HNRNPC: variants seen among roughly 807,000 people sequenced by gnomAD.
HNRNPC encodes heterogeneous nuclear ribonucleoproteins C1/C2.
Under a neutral mutation model 33.2 loss-of-function variants are expected in HNRNPC, and 3 were observed. The observed-to-expected ratio is 0.09, with a 90% CI of 0.04 to 0.23. The LOEUF is 0.23. Among genes scored for constraint, HNRNPC ranks in the 10% least tolerant of loss-of-function variants. The pLI is 1.00. For missense variants in HNRNPC, 143 were observed against 366.7 expected (o/e 0.39, Z 4.98); for synonymous variants, 121 against 126.7 (o/e 0.96, Z 0.30).
intron 2 of HNRNPC, among the ~76,000 whole-genome samples, chr14:21,241,133 G>A (rs535328118): frequency 1.3e-4 from 20 of 151,786 alleles, no homozygotes; most frequent in South Asian, 6.2e-4. Context: ...GGTGGCAGGC[G>A]TCTGTAATCC....
At chr14:21,265,520 T>A (rs1458422683) in intron 1 of HNRNPC, 1 of 152,176 alleles carries the variant, frequency 6.6e-6, no homozygotes, top group African/African-American at 2.4e-5. Flanking sequence ...TCAAGAATAT[T>A]CCTTGAGGCC....
chr14:21,221,511 ACTGT>A (rs1217155054), intron 5 of HNRNPC, among the ~76,000 whole-genome samples: 4 of 152,220 alleles, frequency 2.6e-5, no homozygotes, highest in South Asian at 2.1e-4. Flanking sequence ...TCTATAATTT[ACTGT>A]CTATTACAAA....
At chr14:21,237,412 T>C (rs546367425) in intron 2 of HNRNPC, among the ~76,000 whole-genome samples, 1 of 152,244 alleles carries the variant, frequency 6.6e-6, no homozygotes, top group East Asian at 1.9e-4. Context: ...TATTAACTTG[T>C]AGTTTCCCAG....
intron 5 of HNRNPC, among the ~76,000 whole-genome samples, chr14:21,214,718 A>C (rs1238857596): frequency 6.6e-6 from 1 of 152,218 alleles, no homozygotes; most frequent in Non-Finnish European, 1.5e-5. Flanking sequence ...TTTGACATAA[A>C]GCTTTTGGTC....
chr14:21,266,327 C>A (rs1363959721), intron 1 of HNRNPC, among the ~76,000 whole-genome samples: 1 of 151,960 alleles, frequency 6.6e-6, no homozygotes, highest in Non-Finnish European at 1.5e-5. Flanking sequence ...TCTCAAACTC[C>A]TGACCTCGTG....
At chr14:21,215,421 C>A (rs958582085) in intron 5 of HNRNPC, among the ~76,000 whole-genome samples, 11 of 152,146 alleles carry the variant, frequency 7.2e-5, no homozygotes, top group Non-Finnish European at 1.3e-4. Context: ...ATAGATGAGG[C>A]AACAATAGCT....
chr14:21,239,918 C>T (rs913494071), intron 2 of HNRNPC, among the ~76,000 whole-genome samples: 1 of 152,086 alleles, frequency 6.6e-6, no homozygotes, highest in East Asian at 1.9e-4. Flanking sequence ...GTGGTTAGCA[C>T]TCAAATTTCT....
At position 21,211,155 on chromosome 14, in the gene HNRNPC, A is replaced by T; in HGVS notation, c.*68T>A. The T allele has an allele frequency of 1.3e-6, 2 of 1,493,810 alleles. No individual in the cohort carries two copies. Among genetic ancestry groups the T allele is most frequent in the Non-Finnish European group, 1.8e-6 (2 of 1,081,156 alleles). 92.5% of individuals were successfully genotyped at this position (1,493,810 alleles called of 1,614,324 possible). A position where few individuals can be genotyped will look rare whatever the true frequency, so the allele number is the denominator to read the frequency against. ...TACTAGGGGAGAGGATCTGGTGAAA[A>T]ATTTGATCTTAGACAAGCGCCTAGG... is the stretch of plus-strand genomic sequence containing the variant. On this transcript the variant is annotated 3_prime_UTR_variant, in exon 9 of 9. Coordinates refer to ENST00000553300, the MANE Select transcript of HNRNPC (RefSeq NM_004500.4).
At chr14:21,258,825 T>C (rs1436309300) in intron 2 of HNRNPC, among the ~76,000 whole-genome samples, 1 of 152,166 alleles carries the variant, frequency 6.6e-6, no homozygotes, top group Non-Finnish European at 1.5e-5. Flanking sequence ...TAAAAACTCA[T>C]TTGAAAAACC....
chr14:21,220,280 C>T (rs1014456613), intron 5 of HNRNPC, among the ~76,000 whole-genome samples: 4 of 148,432 alleles, frequency 2.7e-5, no homozygotes, highest in Admixed American at 6.8e-5. Flanking sequence ...TCTTGTTGTC[C>T]AAGCTGCAGT....
At position 21,209,780 on chromosome 14, in the gene HNRNPC, C is replaced by T. The variant is rs928542743; in HGVS notation, c.*1443G>A. The T allele has an allele frequency of 6.6e-6, 1 of 152,090 alleles. No individual in the cohort carries two copies. Among genetic ancestry groups the T allele is most frequent in the Non-Finnish European group, 1.5e-5 (1 of 68,008 alleles). 9.4% of individuals were successfully genotyped at this position (152,090 alleles called of 1,614,324 possible). A position where few individuals can be genotyped will look rare whatever the true frequency, so the allele number is the denominator to read the frequency against. Reference sequence around the variant, plus strand: ...GGTTTGTGTGCACAAAAATTATAAGCGGCATTTTCTGCTATGCTGGAAAAA... The same window carrying T: ...GGTTTGTGTGCACAAAAATTATAAGTGGCATTTTCTGCTATGCTGGAAAAA... On this transcript the variant is annotated 3_prime_UTR_variant, in exon 9 of 9. Coordinates refer to ENST00000553300, the MANE Select transcript of HNRNPC (RefSeq NM_004500.4).
intron 2 of HNRNPC, among the ~76,000 whole-genome samples, chr14:21,247,623 C>A (rs1046143414): frequency 2.6e-5 from 4 of 151,968 alleles, no homozygotes; most frequent in African/African-American, 9.7e-5. Context: ...ACTCATACTT[C>A]CAAATTGAAG....
intron 7 of HNRNPC, 118 bp downstream of exon 7, chr14:21,211,692 C>T (rs998548563): frequency 7.1e-7 from 1 of 1,417,306 alleles, no homozygotes; most frequent in African/African-American, 1.4e-5. Flanking sequence ...CTTCCCAATT[C>T]ACACTCCCCA....
At chr14:21,268,463 T>C (rs1021655218) in intron 1 of HNRNPC, among the ~76,000 whole-genome samples, 1 of 152,210 alleles carries the variant, frequency 6.6e-6, no homozygotes, top group Non-Finnish European at 1.5e-5. Flanking sequence ...TACAGTAGTT[T>C]TAGAACTATA....
At chr14:21,236,444 C>A (rs1413060255) in intron 2 of HNRNPC, 3 of 152,180 alleles carry the variant, frequency 2.0e-5, no homozygotes, top group Non-Finnish European at 4.4e-5. Flanking sequence ...TAATTCCACT[C>A]TTAGTAACGT....
intron 2 of HNRNPC, among the ~76,000 whole-genome samples, chr14:21,260,238 G>C (rs1411742875): frequency 6.7e-6 from 1 of 149,656 alleles, no homozygotes; most frequent in African/African-American, 2.5e-5. Context: ...ATAGTAGCAG[G>C]TGCCTGTAAT....
intron 3 of HNRNPC, among the ~76,000 whole-genome samples, chr14:21,232,285 CAT>C (rs917538768): frequency 6.6e-6 from 1 of 152,170 alleles, no homozygotes; most frequent in Non-Finnish European, 1.5e-5. Flanking sequence ...ACTCCATTTT[CAT>C]ATATACTGCT....
rs953658303 is a variant in HNRNPC at position 21,231,138 on chromosome 14, A to T, written c.242-66T>A. On this transcript the variant is annotated intron_variant, in intron 3 of 8. Transcript: ENST00000553300. ...CCGGGTAAAACAAACTACAAAGTTTATTTTTTTTATTTTTGAGACATAGTT... is the reference window on the plus strand; with the variant it reads ...CCGGGTAAAACAAACTACAAAGTTTTTTTTTTTTATTTTTGAGACATAGTT... 1.2e-5 allele frequency: 17 copies of T among 1,461,396 alleles called. No individual in the cohort carries two copies. In the African/African-American group the frequency reaches 1.3e-4, roughly 11 times the overall value. 90.5% of individuals were successfully genotyped at this position (1,461,396 alleles called of 1,614,324 possible). A position where few individuals can be genotyped will look rare whatever the true frequency, so the allele number is the denominator to read the frequency against.
intron 2 of HNRNPC, among the ~76,000 whole-genome samples, chr14:21,243,092 T>G (rs1003796880): frequency 5.9e-5 from 9 of 152,160 alleles, no homozygotes; most frequent in African/African-American, 2.2e-4. Context: ...GCCACCTCAC[T>G]GTCTCAAAAA....
Sources: gnomAD v4.1 joint callset for allele counts (sites outside exome capture counted in the v4.1 genomes callset) on GRCh38, gnomAD v4.1.1 for gene constraint, MANE v1.5 for transcripts, NCBI Gene and HGNC (gene_info 2026-07-23, HGNC 2026-07-21) for gene names.